Variants in IGSF10 observed in about 807,000 individuals in gnomAD.
IGSF10 encodes immunoglobulin superfamily member 10.
Under a neutral mutation model 128.2 loss-of-function variants are expected in IGSF10, and 126 were observed. The ratio of observed to expected loss-of-function variants is 0.98; its 90% CI spans 0.85 to 1.14. The LOEUF (loss-of-function observed/expected upper bound fraction) is 1.14, where lower values mean the gene tolerates loss of function less well. Ranked by LOEUF, IGSF10 falls within the 50% of genes most tolerant of loss-of-function variation. The pLI is 0.00. For missense variants in IGSF10, 3,295 were observed against 3,149.8 expected, an observed-to-expected ratio of 1.05 and a Z score of -1.10; for synonymous variants, 1,185 against 1,146.2, an observed-to-expected ratio of 1.03 and a Z score of -0.68.
the IGSF10 span, among the ~76,000 whole-genome samples, chr3:151,606,822 G>A: frequency 6.6e-6 from 1 of 152,100 alleles, no homozygotes; most frequent in East Asian, 1.9e-4. Flanking sequence ...TACTTTTTAA[G>A]TTTCTCTCTG....
chr3:151,433,848 G>A (rs543776615), downstream of IGSF10: 14 of 152,716 alleles, frequency 9.2e-5, no homozygotes, highest in East Asian at 1.9e-4. Flanking sequence ...TGTCAGTCTT[G>A]GTTGTGTATT....
chr3:151,576,927 C>G, the IGSF10 span, among the ~76,000 whole-genome samples: 2 of 147,592 alleles, frequency 1.4e-5, no homozygotes, highest in Admixed American at 1.3e-4. Context: ...TGGGGCTGCT[C>G]TACCTATGGA....
intron 2 of IGSF10, among the ~76,000 whole-genome samples, chr3:151,460,044 A>G (rs1252623174): frequency 6.6e-6 from 1 of 152,246 alleles, no homozygotes; most frequent in Non-Finnish European, 1.5e-5. Context: ...TAAGCTTTGT[A>G]TGATTGGAGA....
At chr3:151,469,112 CCA>C in the IGSF10 span, among the ~76,000 whole-genome samples, 1 of 152,208 alleles carries the variant, frequency 6.6e-6, no homozygotes, top group African/African-American at 2.4e-5. Flanking sequence ...TGTATACTTA[CCA>C]CAGTTTCTTT....
chr3:151,580,060 CA>C, the IGSF10 span, among the ~76,000 whole-genome samples: 1 of 152,242 alleles, frequency 6.6e-6, no homozygotes, highest in African/African-American at 2.4e-5. Context: ...ATCCAAGCCA[CA>C]ACCAAGCACC....
chr3:151,516,954 C>T, the IGSF10 span, among the ~76,000 whole-genome samples: 4 of 151,668 alleles, frequency 2.6e-5, no homozygotes, highest in South Asian at 8.3e-4. Flanking sequence ...TCTGATTTCC[C>T]ACCAATTGTA....
chr3:151,528,698 T>A, the IGSF10 span, among the ~76,000 whole-genome samples: 1 of 152,190 alleles, frequency 6.6e-6, no homozygotes, highest in Non-Finnish European at 1.5e-5. Context: ...TCTTTGCAAC[T>A]GGCAGACCAG....
chr3:151,438,843 C>T (rs1045715891), intron 7 of IGSF10, among the ~76,000 whole-genome samples: 1 of 115,202 alleles, frequency 8.7e-6, no homozygotes, highest in African/African-American at 3.1e-5. Flanking sequence ...TATACACATA[C>T]ATTTTGAGGT....
chr3:151,545,033 A>G, the IGSF10 span, among the ~76,000 whole-genome samples: 1 of 152,042 alleles, frequency 6.6e-6, no homozygotes, highest in African/African-American at 2.4e-5. Context: ...TCTACATTTA[A>G]GTGTTTTAAA....
At chr3:151,457,388 A>T (rs1721846876) in intron 3 of IGSF10, among the ~76,000 whole-genome samples, 1 of 152,166 alleles carries the variant, frequency 6.6e-6, no homozygotes, top group African/African-American at 2.4e-5. Flanking sequence ...GGAACTTGTC[A>T]CATTTCTTAT....
chr3:151,443,591 CTGTT>C lies in IGSF10; in HGVS notation c.5352_5355del (p.Thr1785LeufsTer14), dbSNP rs769852922. Reference sequence around the variant, plus strand: ...CTTCCCTGGGATGATTCTGAGACAACTGTTTGGTTTGCAAGAATCCAGGTAACTG... The same window carrying C: ...CTTCCCTGGGATGATTCTGAGACAACTGGTTTGCAAGAATCCAGGTAACTG... On this transcript the variant is annotated frameshift_variant, in exon 7 of 8. Transcript: ENST00000282466. LOFTEE classifies it high-confidence loss of function. The C allele has an allele frequency of 3.1e-6, 5 of 1,614,236 alleles. No individual in the cohort carries two copies. Among genetic ancestry groups the C allele is most frequent in the Non-Finnish European group, 3.4e-6 (4 of 1,180,046 alleles).
In IGSF10 at chr3:151,458,600, A is replaced by G; in HGVS notation, c.110T>C (p.Met37Thr). The G allele has an allele frequency of 6.2e-7, 1 of 1,614,224 alleles. No individual in the cohort carries two copies. Among genetic ancestry groups the G allele is most frequent in the Non-Finnish European group, 8.5e-7 (1 of 1,180,038 alleles). ...AAATGTGCAGTGTACCTCCGTAGGC[A>G]TATAACAGGCACAGCGGCGAGGACA... ...KACPRRCACY[M>T]PTEVHCTFRY... Residue 37 changes from methionine to threonine, a missense_variant, in exon 3 of 8, where the codon ATG becomes ACG. Coordinates refer to ENST00000282466, the MANE Select transcript of IGSF10 (RefSeq NM_178822.5).
chr3:151,552,061 G>A, the IGSF10 span, among the ~76,000 whole-genome samples: 3 of 152,080 alleles, frequency 2.0e-5, no homozygotes, highest in African/African-American at 4.8e-5. Flanking sequence ...GAGGTGATTG[G>A]GTCACGGGGA....
At chr3:151,538,108 G>T in the IGSF10 span, among the ~76,000 whole-genome samples, 1 of 152,140 alleles carries the variant, frequency 6.6e-6, no homozygotes, top group Non-Finnish European at 1.5e-5. Flanking sequence ...TTCACGTTTA[G>T]TTAAGGGTCT....
chr3:151,547,068 C>T, the IGSF10 span, among the ~76,000 whole-genome samples: 2 of 152,210 alleles, frequency 1.3e-5, no homozygotes, highest in African/African-American at 4.8e-5. Context: ...CCACCGTGCC[C>T]GGCCTCTTTT....
At chr3:151,439,873 C>T (rs1720735818) in intron 7 of IGSF10, among the ~76,000 whole-genome samples, 2 of 152,206 alleles carry the variant, frequency 1.3e-5, no homozygotes, top group African/African-American at 4.8e-5. Flanking sequence ...GCTAAAAGTG[C>T]TATCAGGGAT....
At chr3:151,459,424 C>T (rs183774485) in intron 2 of IGSF10, among the ~76,000 whole-genome samples, 10 of 152,192 alleles carry the variant, frequency 6.6e-5, no homozygotes, top group African/African-American at 2.4e-4. Flanking sequence ...TCTTTCTAAC[C>T]GGTTTTCAAG....
At position 151,436,951 on chromosome 3, in the gene IGSF10, C is replaced by A; in HGVS notation, c.7610G>T (p.Ser2537Ile). ...PPRITNRPPR[S>I]IVTRTGAAFQ... ...GGCTGCCCCTGTCCTGGTGACAATA[C>A]TCCTGGGTGGACGATTTGTAATTCG... Residue 2537 changes from serine (S) to isoleucine (I), a missense_variant, in exon 8 of 8, where the codon AGT (serine) becomes ATT (isoleucine). Coordinates refer to ENST00000282466, the MANE Select transcript of IGSF10 (RefSeq NM_178822.5). 2 of 1,614,196 alleles carry A rather than the reference C, an allele frequency of 1.2e-6. No homozygotes were observed. The highest frequency in any genetic ancestry group is 1.7e-6 in the Non-Finnish European group (2 of 1,180,024).
intron 1 of IGSF10, 29 bp downstream of exon 1, chr3:151,460,917 T>G: frequency 1.0e-6 from 1 of 985,126 alleles, no homozygotes; most frequent in Non-Finnish European, 1.2e-6. Flanking sequence ...TCCAGCCCTT[T>G]CCGGGGAAGG....
Sources: gnomAD v4.1 joint callset for allele counts (sites outside exome capture counted in the v4.1 genomes callset) on GRCh38, gnomAD v4.1.1 for gene constraint, MANE v1.5 for transcripts, NCBI Gene and HGNC (gene_info 2026-07-23, HGNC 2026-07-21) for gene names.